The following SCOC variants were observed in gnomAD, a reference collection of about 807,000 sequenced individuals.
The protein encoded by SCOC is short coiled coil protein.
SCOC carries 7 observed loss-of-function variants against 9.9 expected under a neutral mutation model. The observed-to-expected ratio is 0.71, with a 90% CI of 0.40 to 1.33. The LOEUF is 1.33. Ranked by LOEUF, SCOC falls within the 40% of genes most tolerant of loss-of-function variation. The pLI is 0.01. For synonymous variants in SCOC, 19 were observed against 28.2 expected (o/e 0.67, Z 1.03); for missense variants, 66 against 89.7 (o/e 0.74, Z 1.07).
At chr4:140,325,336 T>C (rs113319729) in intron 1 of SCOC, among the ~76,000 whole-genome samples, 1 of 152,248 alleles carries the variant, frequency 6.6e-6, no homozygotes, top group African/African-American at 2.4e-5. Context: ...TTTAAATCTT[T>C]GCTTTGCCAA....
At chr4:140,374,140 G>A (rs1728216871) in intron 1 of SCOC, 7 of 463,694 alleles carry the variant, frequency 1.5e-5, no homozygotes, top group South Asian at 1.1e-4. Flanking sequence ...GAGATGGGAG[G>A]GGAGGCTGAG....
intron 1 of SCOC, among the ~76,000 whole-genome samples, chr4:140,378,156 AC>A (rs777747649): frequency 4.6e-5 from 7 of 152,054 alleles, no homozygotes; most frequent in Non-Finnish European, 1.0e-4. Context: ...TTTAACCCTG[AC>A]TAGGAGCTGA....
chr4:140,265,332 A>T (rs1196617729), intron 1 of SCOC, among the ~76,000 whole-genome samples: 2 of 152,222 alleles, frequency 1.3e-5, no homozygotes, highest in African/African-American at 2.4e-5. Context: ...GTTCTCTTTT[A>T]GCCGGGTATT....
chr4:140,290,394 A>G (rs1731436680), intron 1 of SCOC, among the ~76,000 whole-genome samples: 1 of 152,118 alleles, frequency 6.6e-6, no homozygotes, highest in African/African-American at 2.4e-5. Context: ...GGGATAGTGG[A>G]TGGAATTGTG....
chr4:140,354,682 A>C (rs1223151696), intron 2 of SCOC, among the ~76,000 whole-genome samples: 1 of 152,038 alleles, frequency 6.6e-6, no homozygotes, highest in Non-Finnish European at 1.5e-5. Context: ...TTAAAAAGCA[A>C]ACTGCATGTT....
At chr4:140,341,309 G>C (rs529351128), upstream of SCOC, among the ~76,000 whole-genome samples, 2 of 152,168 alleles carry the variant, frequency 1.3e-5, no homozygotes, top group South Asian at 2.1e-4. Context: ...CTCTTCTCTT[G>C]CATGCCCTCC....
At chr4:140,296,099 TGAA>T (rs957158308) in intron 1 of SCOC, among the ~76,000 whole-genome samples, 1 of 152,026 alleles carries the variant, frequency 6.6e-6, no homozygotes, top group African/African-American at 2.4e-5. Context: ...GTTATGAGAA[TGAA>T]GATTTCAGAC....
chr4:140,338,382 C>T (rs560868206), intron 1 of SCOC, among the ~76,000 whole-genome samples: 2 of 152,282 alleles, frequency 1.3e-5, no homozygotes, highest in East Asian at 3.9e-4. Flanking sequence ...CCTTTGAAAC[C>T]TGGCACAAGA....
chr4:140,343,688 T>C, exon 2 of SCOC: 3 of 1,613,560 alleles, frequency 1.9e-6, no homozygotes, highest in African/African-American at 1.3e-5. Flanking sequence ...TTCACCAACA[T>C]TTCTCTTGCA....
intron 1 of SCOC, chr4:140,374,274 G>A (rs1244181298): frequency 4.7e-6 from 2 of 421,074 alleles, no homozygotes; most frequent in South Asian, 1.7e-5. Flanking sequence ...CAAGTTTTGG[G>A]AAGAAAGGTT....
chr4:140,287,420 T>G (rs978569130), intron 1 of SCOC, among the ~76,000 whole-genome samples: 10 of 123,046 alleles, frequency 8.1e-5, no homozygotes, highest in African/African-American at 2.9e-4. Flanking sequence ...CTACACACAC[T>G]ACACAGACCA....
chr4:140,374,240 C>T (rs1210877525), intron 1 of SCOC: 1 of 450,178 alleles, frequency 2.2e-6, no homozygotes, highest in Non-Finnish European at 4.5e-6. Flanking sequence ...TCCTGATCGT[C>T]TTCTCCCCCA....
intron 1 of SCOC, among the ~76,000 whole-genome samples, chr4:140,320,778 C>T (rs1732478210): frequency 6.6e-6 from 1 of 152,130 alleles, no homozygotes; most frequent in African/African-American, 2.4e-5. Context: ...AACTGTACCA[C>T]TGGAAACTGA....
chr4:140,274,653 C>T (rs1730935884), intron 1 of SCOC, among the ~76,000 whole-genome samples: 1 of 152,240 alleles, frequency 6.6e-6, no homozygotes, highest in Non-Finnish European at 1.5e-5. Context: ...CATGATAAAA[C>T]TTCCTTGGCT....
chr4:140,257,873 G>A lies in SCOC; in HGVS notation c.-19+463G>A, dbSNP rs114630094. On this transcript the variant is annotated intron_variant, in intron 1 of 4. Transcript: ENST00000394205. ...GAGGAATCCATACACCAGAGATGTC[G>A]CTGCACTTCTGGCTACAGTGCCATG... 8.6e-3 allele frequency among the ~76,000 whole-genome samples: 1,308 copies of A among 152,254 alleles called. 16 individuals are homozygous for A. The highest frequency in any genetic ancestry group is 0.029 in the African/African-American group (1,225 of 41,526).
At chr4:140,332,036 G>A (rs1003556916) in intron 1 of SCOC, among the ~76,000 whole-genome samples, 4 of 151,904 alleles carry the variant, frequency 2.6e-5, no homozygotes, top group Admixed American at 2.0e-4. Flanking sequence ...GGGAGGTGCC[G>A]CACACTTTAG....
chr4:140,325,470 T>C (rs891624475), intron 1 of SCOC, among the ~76,000 whole-genome samples: 1 of 152,154 alleles, frequency 6.6e-6, no homozygotes, highest in Non-Finnish European at 1.5e-5. Flanking sequence ...TCTCTCTCTA[T>C]ATAATGACAT....
chr4:140,262,382 A>G (rs927051030), intron 1 of SCOC, among the ~76,000 whole-genome samples: 1 of 152,212 alleles, frequency 6.6e-6, no homozygotes, highest in Non-Finnish European at 1.5e-5. Flanking sequence ...TGTGTTCTTT[A>G]TAAGGCCGGG....
At chr4:140,283,384 T>C (rs1299260565) in intron 1 of SCOC, among the ~76,000 whole-genome samples, 1 of 152,186 alleles carries the variant, frequency 6.6e-6, no homozygotes, top group African/African-American at 2.4e-5. Context: ...TTTTGTCCTG[T>C]CCTCAACATT....
Sources: allele counts gnomAD v4.1 joint callset (sites outside exome capture counted in the v4.1 genomes callset), GRCh38; gene constraint gnomAD v4.1.1; transcripts MANE v1.5; gene names NCBI Gene and HGNC (gene_info 2026-07-23, HGNC 2026-07-21).